ERC2: variants seen among roughly 807,000 people sequenced by gnomAD.
ERC2 encodes the protein ERC protein 2.
Under a neutral mutation model 114.8 loss-of-function variants are expected in ERC2, and 42 were observed. The ratio of observed to expected loss-of-function variants is 0.37; its 90% CI spans 0.29 to 0.47. The LOEUF is 0.47. ERC2 is among the 20% of genes least tolerant of loss of function. The pLI is 0.99. For missense variants in ERC2, 939 were observed against 1,150.7 expected, an observed-to-expected ratio of 0.82 and a Z score of 2.66; for synonymous variants, 454 against 425.5, an observed-to-expected ratio of 1.07 and a Z score of -0.82.
intron 17 of ERC2, among the ~76,000 whole-genome samples, chr3:55,530,494 G>T (rs1249171476): frequency 2.0e-5 from 3 of 152,048 alleles, no homozygotes; most frequent in African/African-American, 7.2e-5. Flanking sequence ...ATCAGTCCCT[G>T]GTGCTCAGGG....
chr3:56,072,483 AG>A (rs2076783063), intron 7 of ERC2: 1 of 152,222 alleles, frequency 6.6e-6, no homozygotes, highest in Non-Finnish European at 1.5e-5. Context: ...TTTCCAAACC[AG>A]GAAAGACACT....
At chr3:55,702,544 T>C (rs815442) in intron 15 of ERC2, among the ~76,000 whole-genome samples, 76,487 of 151,984 alleles carry the variant, frequency 0.5, 21,147 homozygotes, top group South Asian at 0.73. Flanking sequence ...TTTTAAATTT[T>C]TTTTTTTTAA....
At chr3:56,056,900 C>T (rs1479781439) in intron 7 of ERC2, among the ~76,000 whole-genome samples, 1 of 152,140 alleles carries the variant, frequency 6.6e-6, no homozygotes, top group Non-Finnish European at 1.5e-5. Flanking sequence ...ACTCATTCTC[C>T]ATGAATCCTC....
chr3:55,673,032 A>G (rs1044583513), intron 17 of ERC2, among the ~76,000 whole-genome samples: 5 of 152,168 alleles, frequency 3.3e-5, no homozygotes, highest in Non-Finnish European at 7.3e-5. Context: ...CTGATATATT[A>G]GATTTCCCTG....
At chr3:56,420,657 A>G (rs1014996128) in intron 2 of ERC2, among the ~76,000 whole-genome samples, 5 of 151,670 alleles carry the variant, frequency 3.3e-5, no homozygotes, top group Admixed American at 6.6e-5. Flanking sequence ...AGGCCAAGAC[A>G]GGCAGATCAC....
At chr3:56,139,453 G>A in intron 6 of ERC2, 56 bp downstream of exon 6, 1 of 1,544,452 alleles carries the variant, frequency 6.5e-7, no homozygotes, top group South Asian at 1.2e-5. Flanking sequence ...TTCAGGTAGG[G>A]CAATTTCTAT....
intron 14 of ERC2, among the ~76,000 whole-genome samples, chr3:55,819,897 C>T (rs2060053219): frequency 6.6e-6 from 1 of 152,190 alleles, no homozygotes; most frequent in South Asian, 2.1e-4. Context: ...ACAATTTGGG[C>T]ATCTGAAGTT....
At chr3:55,672,250 T>C (rs1371740985) in intron 17 of ERC2, among the ~76,000 whole-genome samples, 1 of 149,610 alleles carries the variant, frequency 6.7e-6, no homozygotes, top group African/African-American at 2.5e-5. Context: ...ATGTGGAGGA[T>C]CTCGCTTGAA....
intron 17 of ERC2, among the ~76,000 whole-genome samples, chr3:55,575,957 C>T (rs1252674008): frequency 1.3e-5 from 2 of 152,162 alleles, no homozygotes; most frequent in Admixed American, 6.5e-5. Flanking sequence ...AGAGGCTGCT[C>T]AGTGATTTGC....
chr3:56,018,840 C>T (rs1211069482), intron 8 of ERC2, 54 bp downstream of exon 8: 2 of 1,580,912 alleles, frequency 1.3e-6, no homozygotes, highest in Non-Finnish European at 1.7e-6. Flanking sequence ...GATCAACTTT[C>T]CCCAACTCTG....
At chr3:56,293,012 C>T (rs2150350644) in intron 3 of ERC2, among the ~76,000 whole-genome samples, 1 of 152,304 alleles carries the variant, frequency 6.6e-6, no homozygotes, top group Non-Finnish European at 1.5e-5. Context: ...CATGAAGGTA[C>T]ATTTTGTTAA....
chr3:55,690,551 CCT>C (rs2062588490), intron 16 of ERC2, among the ~76,000 whole-genome samples: 1 of 152,246 alleles, frequency 6.6e-6, no homozygotes, highest in African/African-American at 2.4e-5. Context: ...CTGAAAAACC[CCT>C]GTTGACTCAA....
chr3:56,445,823 G>T (rs1029713822), intron 1 of ERC2, among the ~76,000 whole-genome samples: 3 of 151,890 alleles, frequency 2.0e-5, no homozygotes, highest in African/African-American at 7.3e-5. Flanking sequence ...TCACTTACAT[G>T]ATAGTTTCAA....
chr3:55,584,893 A>T (rs1326996434), intron 17 of ERC2, among the ~76,000 whole-genome samples: 1 of 152,220 alleles, frequency 6.6e-6, no homozygotes, highest in East Asian at 1.9e-4. Context: ...TCTCAAGCTA[A>T]GCAGAGGCCC....
chr3:56,048,391 A>T (rs2149678543), intron 7 of ERC2, among the ~76,000 whole-genome samples: 1 of 152,296 alleles, frequency 6.6e-6, no homozygotes, highest in South Asian at 2.1e-4. Context: ...CAAGTCTCTC[A>T]CATTCTAAAC....
intron 17 of ERC2, among the ~76,000 whole-genome samples, chr3:55,671,037 A>G (rs2061538888): frequency 1.3e-5 from 2 of 152,202 alleles, no homozygotes; most frequent in Non-Finnish European, 2.9e-5. Flanking sequence ...TGCTGTTCAC[A>G]CACTACAAAT....
chr3:55,806,207 TG>T, intron 14 of ERC2, among the ~76,000 whole-genome samples: 1 of 151,786 alleles, frequency 6.6e-6, no homozygotes, highest in East Asian at 1.9e-4. Context: ...TGGTGGCATG[TG>T]CCTGTAATCC....
chr3:56,443,406 T>G (rs1440396674), intron 1 of ERC2, among the ~76,000 whole-genome samples: 5 of 152,286 alleles, frequency 3.3e-5, no homozygotes, highest in African/African-American at 9.6e-5. Flanking sequence ...CCCACAAAAT[T>G]TATAAAGAGC....
At chr3:55,925,115 A>G (rs1466598623) in intron 13 of ERC2, among the ~76,000 whole-genome samples, 1 of 152,200 alleles carries the variant, frequency 6.6e-6, no homozygotes, top group African/African-American at 2.4e-5. Flanking sequence ...AGAGCAGGAT[A>G]TGTTTGTATA....
Sources: gnomAD v4.1 joint callset for allele counts (sites outside exome capture counted in the v4.1 genomes callset) on GRCh38, gnomAD v4.1.1 for gene constraint, MANE v1.5 for transcripts, NCBI Gene and HGNC (gene_info 2026-07-23, HGNC 2026-07-21) for gene names.